Variants in PTPRD observed in about 807,000 individuals in gnomAD.
The protein encoded by PTPRD is receptor-type tyrosine-protein phosphatase delta.
In PTPRD, 34 loss-of-function variants were observed where a neutral mutation model predicts 214.5. That is an observed-to-expected ratio of 0.16 (90% CI 0.12 to 0.21). The LOEUF is 0.21. PTPRD is among the 10% of genes least tolerant of loss of function. The pLI is 1.00. For missense variants in PTPRD, 2,545 were observed against 2,398.7 expected (o/e 1.06, Z -1.27); for synonymous variants, 1,128 against 845.7 (o/e 1.33, Z -5.79).
intron 12 of PTPRD, among the ~76,000 whole-genome samples, chr9:8,703,697 C>A (rs1216815848): frequency 7.2e-5 from 11 of 152,164 alleles, no homozygotes; most frequent in African/African-American, 2.7e-4. Context: ...TTGTTATTCT[C>A]TTTTTTGTTG....
intron 11 of PTPRD, among the ~76,000 whole-genome samples, chr9:8,968,377 T>A (rs998910114): frequency 9.2e-5 from 14 of 151,940 alleles, no homozygotes; most frequent in Admixed American, 3.9e-4. Context: ...ACCAACAGTG[T>A]AAAAGTGTTC....
At chr9:9,770,254 A>T (rs552191715) in intron 5 of PTPRD, among the ~76,000 whole-genome samples, 236 of 152,308 alleles carry the variant, frequency 1.5e-3, no homozygotes, top group African/African-American at 5.4e-3. Context: ...ATTTCTCCAC[A>T]TACTTTCCAG....
rs560515145 is a variant in PTPRD at position 10,325,962 on chromosome 9, G to T, written c.-545+15001C>A. Reference sequence around the variant, plus strand: ...ATGTAACAAACAGAAACTGCTTTCAGATCATTTTGTTTTCACATTGAGAAA... The same window carrying T: ...ATGTAACAAACAGAAACTGCTTTCATATCATTTTGTTTTCACATTGAGAAA... On this transcript the variant is annotated intron_variant, in intron 3 of 45. Coordinates refer to ENST00000381196, the MANE Select transcript of PTPRD (RefSeq NM_002839.4). 2.0e-5 allele frequency among the ~76,000 whole-genome samples: 3 copies of T among 151,810 alleles called. No individual in the cohort carries two copies. In the South Asian group the frequency reaches 6.2e-4, roughly 31 times the overall value.
intron 11 of PTPRD, among the ~76,000 whole-genome samples, chr9:8,935,335 C>CA (rs759232527): frequency 6.6e-6 from 1 of 152,122 alleles, no homozygotes; most frequent in Non-Finnish European, 1.5e-5. Flanking sequence ...ATTAAGAAAG[C>CA]AATCTATTTA....
At chr9:10,371,990 C>G (rs889426167) in intron 2 of PTPRD, among the ~76,000 whole-genome samples, 1 of 151,992 alleles carries the variant, frequency 6.6e-6, no homozygotes, top group Non-Finnish European at 1.5e-5. Context: ...TAATGGCTAA[C>G]AGCTATTTAT....
intron 3 of PTPRD, among the ~76,000 whole-genome samples, chr9:10,261,972 A>G (rs909054962): frequency 2.0e-5 from 3 of 152,108 alleles, no homozygotes; most frequent in Non-Finnish European, 2.9e-5. Context: ...TCAGGGAATT[A>G]ATATGTCCAA....
intron 14 of PTPRD, among the ~76,000 whole-genome samples, chr9:8,561,672 C>T (rs568494155): frequency 3.3e-5 from 5 of 151,562 alleles, no homozygotes; most frequent in Non-Finnish European, 7.4e-5. Flanking sequence ...AAAATTCCTG[C>T]GTCAGTGATT....
At chr9:10,443,510 A>G (rs957878671) in intron 2 of PTPRD, among the ~76,000 whole-genome samples, 1 of 151,688 alleles carries the variant, frequency 6.6e-6, no homozygotes, top group Admixed American at 6.6e-5. Context: ...CTGAGAAAAG[A>G]AATATTCTGA....
At chr9:8,911,932 T>A (rs2098751080) in intron 11 of PTPRD, among the ~76,000 whole-genome samples, 1 of 152,128 alleles carries the variant, frequency 6.6e-6, no homozygotes. Flanking sequence ...ATTAGATAAA[T>A]GCCCATTAAA....
At chr9:8,756,531 T>C (rs1203966564) in intron 11 of PTPRD, among the ~76,000 whole-genome samples, 4 of 152,154 alleles carry the variant, frequency 2.6e-5, no homozygotes, top group Non-Finnish European at 1.5e-5. Flanking sequence ...GCTGTATCAG[T>C]TGGCTACAGT....
At chr9:9,745,251 C>T (rs912653442) in intron 6 of PTPRD, among the ~76,000 whole-genome samples, 2 of 151,962 alleles carry the variant, frequency 1.3e-5, no homozygotes, top group South Asian at 2.1e-4. Flanking sequence ...TGTTTCAATG[C>T]AATGGGGAAA....
intron 3 of PTPRD, among the ~76,000 whole-genome samples, chr9:10,107,961 A>G (rs964521880): frequency 1.1e-4 from 16 of 152,126 alleles, no homozygotes; most frequent in African/African-American, 3.1e-4. Context: ...GGTTCTGATC[A>G]TTCAGATACG....
At chr9:9,477,307 G>A (rs768288521) in intron 8 of PTPRD, among the ~76,000 whole-genome samples, 3 of 152,170 alleles carry the variant, frequency 2.0e-5, no homozygotes, top group African/African-American at 4.8e-5. Flanking sequence ...GCTCTATGAT[G>A]ATATCACCCA....
At chr9:8,855,305 A>G (rs1356174840) in intron 11 of PTPRD, among the ~76,000 whole-genome samples, 1 of 152,136 alleles carries the variant, frequency 6.6e-6, no homozygotes, top group East Asian at 1.9e-4. Context: ...ATAAGTGTCA[A>G]TCTTAAAAGG....
In PTPRD at chr9:8,349,939, T is replaced by C. The variant is rs560743557; in HGVS notation, c.4662-7961A>G. ...TTATTGCTAAACTTTAGTGGTTTTT[T>C]TTTTTTTTTTAAATTTCAGTAAGTG... On this transcript the variant is annotated intron_variant, in intron 39 of 45. Coordinates refer to ENST00000381196, the MANE Select transcript of PTPRD (RefSeq NM_002839.4). Among the ~76,000 whole-genome samples the C allele has an allele frequency of 3.9e-5, 6 of 152,080 alleles. No individual in the cohort carries two copies. The South Asian group carries it at 1.0e-3, about 26-fold the overall frequency.
intron 7 of PTPRD, among the ~76,000 whole-genome samples, chr9:9,645,932 C>T (rs2096147278): frequency 6.6e-6 from 1 of 152,074 alleles, no homozygotes; most frequent in African/African-American, 2.4e-5. Flanking sequence ...ACTAGTTGTA[C>T]ATATTTTGGG....
At chr9:8,772,649 A>T (rs2154486410) in intron 11 of PTPRD, among the ~76,000 whole-genome samples, 1 of 152,280 alleles carries the variant, frequency 6.6e-6, no homozygotes, top group African/African-American at 2.4e-5. Context: ...TCTCTAAAAA[A>T]ATAATAAAAA....
At chr9:9,197,631 G>A (rs2099939383) in intron 9 of PTPRD, among the ~76,000 whole-genome samples, 2 of 151,988 alleles carry the variant, frequency 1.3e-5, no homozygotes, top group African/African-American at 2.4e-5. Flanking sequence ...GGCTGGTCTC[G>A]AACTCCTGAC....
At chr9:9,108,542 AC>A (rs2099801901) in intron 10 of PTPRD, among the ~76,000 whole-genome samples, 1 of 152,156 alleles carries the variant, frequency 6.6e-6, no homozygotes, top group South Asian at 2.1e-4. Context: ...GTAGTGACTC[AC>A]GGATCCAGGC....
Sources: gnomAD v4.1 joint callset for allele counts (sites outside exome capture counted in the v4.1 genomes callset) on GRCh38, gnomAD v4.1.1 for gene constraint, MANE v1.5 for transcripts, NCBI Gene and HGNC (gene_info 2026-07-23, HGNC 2026-07-21) for gene names.